The following PEX5L variants were observed in gnomAD, a reference collection of about 807,000 sequenced individuals.
PEX5L encodes PEX5-related protein.
In PEX5L, 30 loss-of-function variants were observed where a neutral mutation model predicts 84.0. The observed-to-expected ratio is 0.36, with a 90% CI of 0.27 to 0.48. The LOEUF is 0.48. Ranked by LOEUF, PEX5L falls within the 20% of genes least tolerant of loss-of-function variation. PEX5L has a pLI of 0.99. For synonymous variants in PEX5L, 270 were observed against 283.1 expected, an observed-to-expected ratio of 0.95 and a Z score of 0.46; for missense variants, 533 against 754.6, an observed-to-expected ratio of 0.71 and a Z score of 3.44.
intron 2 of PEX5L, among the ~76,000 whole-genome samples, chr3:179,934,472 G>A (rs1183543085): frequency 6.6e-6 from 1 of 152,180 alleles, no homozygotes. Flanking sequence ...CAAATGACAC[G>A]ATAAGGTGGA....
chr3:179,836,663 C>T (rs772745298), intron 8 of PEX5L, among the ~76,000 whole-genome samples: 10 of 152,228 alleles, frequency 6.6e-5, no homozygotes, highest in East Asian at 5.8e-4. Flanking sequence ...ATTAGGTAGA[C>T]GCTATGCTTA....
chr3:179,882,867 G>A (rs764710448), intron 4 of PEX5L, among the ~76,000 whole-genome samples: 46 of 152,164 alleles, frequency 3.0e-4, no homozygotes, highest in Middle Eastern at 6.8e-3. Flanking sequence ...CAGGAGGATC[G>A]CTCGAAGCCA....
At chr3:179,849,355 T>C (rs1043856927) in intron 8 of PEX5L, among the ~76,000 whole-genome samples, 2 of 152,218 alleles carry the variant, frequency 1.3e-5, no homozygotes, top group Non-Finnish European at 2.9e-5. Flanking sequence ...TGAAAATAAA[T>C]GCACAATTAT....
At chr3:179,976,981 A>G (rs1183069702) in intron 1 of PEX5L, among the ~76,000 whole-genome samples, 1 of 152,238 alleles carries the variant, frequency 6.6e-6, no homozygotes, top group African/African-American at 2.4e-5. Flanking sequence ...TCCTTTGGAG[A>G]GAAACTGGTT....
chr3:179,957,005 G>GA (rs1246009747), intron 2 of PEX5L, among the ~76,000 whole-genome samples: 1 of 151,930 alleles, frequency 6.6e-6, no homozygotes, highest in African/African-American at 2.4e-5. Context: ...GAAAATCCTG[G>GA]AAAAAAATTG....
At chr3:179,858,600 C>A (rs750167952) in intron 8 of PEX5L, among the ~76,000 whole-genome samples, 6 of 152,178 alleles carry the variant, frequency 3.9e-5, no homozygotes, top group Non-Finnish European at 5.9e-5. Context: ...AATATTCCAG[C>A]CATGCCCTTT....
Position 179,974,419 on chromosome 3 carries a change from G to C in PEX5L, c.22-2754C>G, listed in dbSNP as rs115468987. On this transcript the variant is annotated intron_variant, in intron 1 of 14. Coordinates refer to ENST00000467460, the MANE Select transcript of PEX5L (RefSeq NM_016559.3). Reference sequence around the variant, plus strand: ...CTTAGCATGCTGCCCATTTATGGACGACTTTGTGCACTGTTCCCCTAGGTG... The same window carrying C: ...CTTAGCATGCTGCCCATTTATGGACCACTTTGTGCACTGTTCCCCTAGGTG... Among the ~76,000 whole-genome samples the C allele has an allele frequency of 7.8e-3, 1,186 of 152,280 alleles. 20 individuals are homozygous for C. The highest frequency in any genetic ancestry group is 0.027 in the African/African-American group (1,119 of 41,572).
At chr3:179,966,298 A>C (rs987624128) in intron 2 of PEX5L, among the ~76,000 whole-genome samples, 3 of 152,142 alleles carry the variant, frequency 2.0e-5, no homozygotes, top group Non-Finnish European at 4.4e-5. Flanking sequence ...CTGACCAAAT[A>C]CAGAGTTCTA....
intron 8 of PEX5L, among the ~76,000 whole-genome samples, chr3:179,825,591 T>C (rs1009869002): frequency 7.4e-6 from 1 of 134,580 alleles, no homozygotes; most frequent in East Asian, 2.3e-4. Flanking sequence ...TCAATATTGG[T>C]GGGGGTATGC....
chr3:179,952,138 T>C (rs1190996013), intron 2 of PEX5L, among the ~76,000 whole-genome samples: 1 of 152,220 alleles, frequency 6.6e-6, no homozygotes, highest in Non-Finnish European at 1.5e-5. Flanking sequence ...TTGGATCTAA[T>C]AAGGCAGATT....
At position 179,801,520 on chromosome 3, in the gene PEX5L, A is replaced by T. The variant is rs1718842708; in HGVS notation, c.*308T>A. ...CTGCAAGGGGAGACAAAAAACCCAAAGAACATGTGTTGCAATATGCTTGCA... is the reference window on the plus strand; with the variant it reads ...CTGCAAGGGGAGACAAAAAACCCAATGAACATGTGTTGCAATATGCTTGCA... On this transcript the variant is annotated 3_prime_UTR_variant, in exon 15 of 15. Coordinates refer to ENST00000467460, the MANE Select transcript of PEX5L (RefSeq NM_016559.3). 2 of 265,070 alleles carry T rather than the reference A, an allele frequency of 7.5e-6. No homozygotes were observed. The highest frequency in any genetic ancestry group is 9.5e-5 in the Admixed American group (2 of 21,002). The allele number at this position is 265,070 out of a possible 1,614,324, so 16.4% of individuals were successfully genotyped here. A position where few individuals can be genotyped will look rare whatever the true frequency, so the allele number is the denominator to read the frequency against.
At chr3:179,859,012 G>T (rs2108530334) in intron 8 of PEX5L, 50 bp downstream of exon 8, 2 of 1,162,388 alleles carry the variant, frequency 1.7e-6, no homozygotes, top group Non-Finnish European at 2.6e-6. Context: ...TTTTTCAAAT[G>T]CCACTCTCAG....
chr3:179,905,205 G>T (rs2109087406), intron 2 of PEX5L, among the ~76,000 whole-genome samples: 1 of 151,930 alleles, frequency 6.6e-6, no homozygotes, highest in African/African-American at 2.4e-5. Context: ...CAGACAACAG[G>T]CCTCAGCCTG....
intron 8 of PEX5L, among the ~76,000 whole-genome samples, chr3:179,836,635 C>G (rs1186429572): frequency 1.3e-5 from 2 of 152,156 alleles, no homozygotes; most frequent in African/African-American, 4.8e-5. Context: ...ATCAGATAAC[C>G]TTTTCTAAAT....
chr3:180,012,858 T>C (rs1031896200), intron 1 of PEX5L, among the ~76,000 whole-genome samples: 4 of 152,118 alleles, frequency 2.6e-5, no homozygotes, highest in Admixed American at 2.0e-4. Flanking sequence ...AACTATTCTT[T>C]GGGATGCAGA....
intron 5 of PEX5L, among the ~76,000 whole-genome samples, chr3:179,876,788 A>T (rs1752568053): frequency 6.6e-6 from 1 of 152,126 alleles, no homozygotes; most frequent in African/African-American, 2.4e-5. Context: ...TATGAAGTTG[A>T]CTATTGTAGG....
chr3:179,803,532 C>T (rs1719940364), intron 14 of PEX5L, among the ~76,000 whole-genome samples: 1 of 152,194 alleles, frequency 6.6e-6, no homozygotes, highest in Non-Finnish European at 1.5e-5. Context: ...GCTCAGGTGC[C>T]AGGTGCACCT....
At chr3:179,930,817 G>A (rs1772889787) in intron 2 of PEX5L, among the ~76,000 whole-genome samples, 1 of 152,176 alleles carries the variant, frequency 6.6e-6, no homozygotes, top group South Asian at 2.1e-4. Context: ...TAGCAACATG[G>A]AGGTAAAGGA....
chr3:179,989,120 G>A (rs1163020881), intron 1 of PEX5L, among the ~76,000 whole-genome samples: 4 of 152,164 alleles, frequency 2.6e-5, no homozygotes, highest in Non-Finnish European at 5.9e-5. Flanking sequence ...ATAATTCTGA[G>A]GCCATGGAAC....
Sources: allele counts gnomAD v4.1 joint callset (sites outside exome capture counted in the v4.1 genomes callset), GRCh38; gene constraint gnomAD v4.1.1; transcripts MANE v1.5; gene names NCBI Gene and HGNC (gene_info 2026-07-23, HGNC 2026-07-21).